The following CTNNA2 variants were observed in gnomAD, a reference collection of about 807,000 sequenced individuals.
The protein encoded by CTNNA2 is catenin alpha-2.
Under a neutral mutation model 101.0 loss-of-function variants are expected in CTNNA2, and 42 were observed. The ratio of observed to expected loss-of-function variants is 0.42; its 90% CI spans 0.32 to 0.54. The LOEUF (loss-of-function observed/expected upper bound fraction) is 0.54, where lower values mean the gene tolerates loss of function less well. CTNNA2 is among the 20% of genes least tolerant of loss of function. The pLI is 0.14. For missense variants in CTNNA2, 871 were observed against 1,223.1 expected, an observed-to-expected ratio of 0.71 and a Z score of 4.29; for synonymous variants, 450 against 456.4, an observed-to-expected ratio of 0.99 and a Z score of 0.18.
At position 79,829,414 on chromosome 2, in the gene CTNNA2, CAG is replaced by C. The variant is rs1553376362; in HGVS notation, c.299-28597_299-28596del. ...ACACACACACACACACACACACACACAGACACAAAGCCGGGCGAGATGGCGGG... is the reference window on the plus strand; with the variant it reads ...ACACACACACACACACACACACACACACACAAAGCCGGGCGAGATGGCGGG... On this transcript the variant is annotated intron_variant, in intron 3 of 18. Coordinates refer to ENST00000402739, the MANE Select transcript of CTNNA2 (RefSeq NM_001282597.3). Among the ~76,000 whole-genome samples, 492 of 120,710 alleles carry C rather than the reference CAG, an allele frequency of 4.1e-3. 6 individuals are homozygous for C. Among genetic ancestry groups the C allele is most frequent in the African/African-American group, 8.3e-3 (273 of 32,984 alleles). 79.2% of individuals were successfully genotyped at this position (120,710 alleles called of 152,430 possible). A position where few individuals can be genotyped will look rare whatever the true frequency, so the allele number is the denominator to read the frequency against.
At chr2:80,580,980 C>T (rs1353472750) in intron 13 of CTNNA2, among the ~76,000 whole-genome samples, 2 of 151,932 alleles carry the variant, frequency 1.3e-5, no homozygotes, top group Non-Finnish European at 2.9e-5. Context: ...CCCACTGCTG[C>T]ACTCCAGCCT....
chr2:80,317,305 G>A (rs1461203698), intron 7 of CTNNA2, among the ~76,000 whole-genome samples: 1 of 152,154 alleles, frequency 6.6e-6, no homozygotes, highest in Non-Finnish European at 1.5e-5. Flanking sequence ...TGATTGCTCT[G>A]TCTCAGGCAC....
intron 7 of CTNNA2, among the ~76,000 whole-genome samples, chr2:80,011,483 C>T (rs368317924): frequency 6.6e-6 from 1 of 152,134 alleles, no homozygotes; most frequent in East Asian, 1.9e-4. Context: ...TCACACAGTA[C>T]ATAGTAGAGA....
At chr2:79,717,791 C>T (rs904975547) in intron 2 of CTNNA2, among the ~76,000 whole-genome samples, 19 of 152,090 alleles carry the variant, frequency 1.2e-4, no homozygotes, top group African/African-American at 4.1e-4. Context: ...GTAGGGCCAA[C>T]GTCAGAGACT....
At chr2:80,002,636 T>C (rs1215203825) in intron 7 of CTNNA2, among the ~76,000 whole-genome samples, 5 of 151,594 alleles carry the variant, frequency 3.3e-5, no homozygotes, top group African/African-American at 1.2e-4. Context: ...GAGAGAATCC[T>C]ACACTAGGAA....
chr2:79,478,752 CCCTTT>C (rs1247086661), intron 4 of CTNNA2, among the ~76,000 whole-genome samples: 68 of 152,290 alleles, frequency 4.5e-4, no homozygotes, highest in African/African-American at 1.6e-3. Flanking sequence ...CTTACCTCTA[CCCTTT>C]TTGGAATCTG....
At chr2:80,032,725 T>G (rs1450582578) in intron 7 of CTNNA2, among the ~76,000 whole-genome samples, 1 of 152,162 alleles carries the variant, frequency 6.6e-6, no homozygotes, top group Non-Finnish European at 1.5e-5. Context: ...AAACATCAAT[T>G]TAAAATAGCA....
chr2:80,257,506 G>T (rs1462104756), intron 7 of CTNNA2, among the ~76,000 whole-genome samples: 2 of 152,146 alleles, frequency 1.3e-5, no homozygotes, highest in African/African-American at 4.8e-5. Context: ...GTGAGAAAGG[G>T]CAGACAGAAT....
intron 4 of CTNNA2, among the ~76,000 whole-genome samples, chr2:79,472,085 ATTC>A (rs1247667743): frequency 6.6e-6 from 1 of 152,302 alleles, no homozygotes; most frequent in Admixed American, 6.5e-5. Context: ...CTAAGGTGAA[ATTC>A]TTCTCCTGCT....
chr2:80,281,955 T>A (rs78366266), intron 7 of CTNNA2, among the ~76,000 whole-genome samples: 1 of 151,912 alleles, frequency 6.6e-6, no homozygotes, highest in African/African-American at 2.4e-5. Context: ...TTTTTTTTTT[T>A]AATTTTCACC....
intron 2 of CTNNA2, among the ~76,000 whole-genome samples, chr2:79,282,057 AT>A (rs969081310): frequency 1.3e-5 from 2 of 152,084 alleles, no homozygotes; most frequent in African/African-American, 2.4e-5. Context: ...TTATCATCTA[AT>A]TTTTTAGGTT....
intron 3 of CTNNA2, among the ~76,000 whole-genome samples, chr2:79,794,008 T>A (rs1320778627): frequency 1.3e-5 from 2 of 151,500 alleles, no homozygotes; most frequent in African/African-American, 4.9e-5. Context: ...GGGTGAGGGA[T>A]AAAAGACTAC....
At chr2:79,954,852 G>A (rs1010064002) in intron 7 of CTNNA2, among the ~76,000 whole-genome samples, 4 of 152,226 alleles carry the variant, frequency 2.6e-5, no homozygotes, top group African/African-American at 9.6e-5. Context: ...AATGAGTTAT[G>A]AGGTAGACAA....
At chr2:80,295,448 A>G (rs184344579) in intron 7 of CTNNA2, among the ~76,000 whole-genome samples, 2 of 151,760 alleles carry the variant, frequency 1.3e-5, no homozygotes, top group East Asian at 3.9e-4. Context: ...CTCTCAGTGA[A>G]TTTTTTTTTA....
intron 1 of CTNNA2, among the ~76,000 whole-genome samples, chr2:79,550,076 G>C (rs758575739): frequency 5.9e-5 from 9 of 152,122 alleles, no homozygotes; most frequent in Non-Finnish European, 7.3e-5. Context: ...AATCTAATTA[G>C]AGGTAGGAGG....
At chr2:79,379,809 T>A (rs201486672) in intron 4 of CTNNA2, among the ~76,000 whole-genome samples, 10 of 152,270 alleles carry the variant, frequency 6.6e-5, no homozygotes, top group Admixed American at 1.3e-4. Flanking sequence ...AATTTTTTAA[T>A]AATTTTGCCT....
At position 79,889,957 on chromosome 2, in the gene CTNNA2, A is replaced by C. The variant is rs1008506068; in HGVS notation, c.852+15615A>C. On this transcript the variant is annotated intron_variant, in intron 6 of 18. Coordinates refer to ENST00000402739, the MANE Select transcript of CTNNA2 (RefSeq NM_001282597.3). The stretch of plus-strand genomic sequence containing the variant: ...CTGGCCATTCTATGTGACAGGAGAA[A>C]TTCCAAACAGATTAAATTACCTCTT... 1.3e-5 allele frequency among the ~76,000 whole-genome samples: 2 copies of C among 152,328 alleles called. 1 individual carries two copies. Among genetic ancestry groups the C allele is most frequent in the South Asian group, 4.1e-4 (2 of 4,832 alleles).
At chr2:79,809,221 T>C (rs1321281194) in intron 3 of CTNNA2, among the ~76,000 whole-genome samples, 1 of 152,140 alleles carries the variant, frequency 6.6e-6, no homozygotes, top group Admixed American at 6.6e-5. Flanking sequence ...CCAAGTCTTT[T>C]CTATTGTAAA....
At chr2:80,386,697 GACA>G (rs1488412032) in intron 7 of CTNNA2, among the ~76,000 whole-genome samples, 5 of 152,250 alleles carry the variant, frequency 3.3e-5, no homozygotes, top group African/African-American at 1.2e-4. Context: ...TCTTTCAAAT[GACA>G]ACAATTTGAA....
Sources: gnomAD v4.1 joint callset for allele counts (sites outside exome capture counted in the v4.1 genomes callset) on GRCh38, gnomAD v4.1.1 for gene constraint, MANE v1.5 for transcripts, NCBI Gene and HGNC (gene_info 2026-07-23, HGNC 2026-07-21) for gene names.